The following CSMD3 variants were observed in gnomAD, a reference collection of about 807,000 sequenced individuals.
CSMD3 encodes CUB and Sushi multiple domains 3.
In CSMD3, 177 loss-of-function variants were observed where a neutral mutation model predicts 435.2. That is an observed-to-expected ratio of 0.41 (90% CI 0.36 to 0.46). The LOEUF is 0.46. Among genes scored for constraint, CSMD3 ranks in the 20% least tolerant of loss-of-function variants. CSMD3 has a pLI of 0.34. For synonymous variants in CSMD3, 1,656 were observed against 1,520.5 expected, an observed-to-expected ratio of 1.09 and a Z score of -2.07; for missense variants, 4,265 against 4,504.6, an observed-to-expected ratio of 0.95 and a Z score of 1.52.
intron 13 of CSMD3, among the ~76,000 whole-genome samples, chr8:112,793,827 T>A (rs2078754907): frequency 6.6e-6 from 1 of 152,200 alleles, no homozygotes; most frequent in Non-Finnish European, 1.5e-5. Context: ...CTCATTCAGG[T>A]AAGTTATGGT....
chr8:113,339,221 T>C (rs1216124782), intron 1 of CSMD3, among the ~76,000 whole-genome samples: 1 of 151,980 alleles, frequency 6.6e-6, no homozygotes, highest in East Asian at 1.9e-4. Flanking sequence ...CTCCGCCTCA[T>C]AGTTATACTA....
In CSMD3 at chr8:113,173,892, T is replaced by A. The variant is rs2131891939; in HGVS notation, c.539A>T (p.Asn180Ile). ...YEELQSSSCG[N>I]PGVPPKGVLY... ...TACACCTTTGGGTGGAACACCAGGA[T>A]TTCCACAAGAGCTACTCTGCAATTC... The change falls in exon 4 of 71, where the codon AAT becomes ATT. Residue 180 changes from asparagine to isoleucine, a missense_variant. Physicochemically the swap from Asn to Ile is moderately radical, Grantham distance 149 (BLOSUM62 -3). Coordinates refer to ENST00000297405, the MANE Select transcript of CSMD3 (RefSeq NM_198123.2). 6.2e-7 allele frequency: 1 copy of A among 1,613,576 alleles called. No individual in the cohort carries two copies. Among genetic ancestry groups the A allele is most frequent in the South Asian group, 1.1e-5 (1 of 91,078 alleles).
rs904062165 is a variant in CSMD3 at position 112,898,246 on chromosome 8, T to G, written c.1633+23381A>C. ...AGATAGTGATATTGGTGGACTGATTTCAAAGAATGTCCTTCTTATGCCTGA... is the reference window on the plus strand; with the variant it reads ...AGATAGTGATATTGGTGGACTGATTGCAAAGAATGTCCTTCTTATGCCTGA... On this transcript the variant is annotated intron_variant, in intron 10 of 70. Coordinates refer to ENST00000297405, the MANE Select transcript of CSMD3 (RefSeq NM_198123.2). Among the ~76,000 whole-genome samples, 4 of 151,146 alleles carry G rather than the reference T, an allele frequency of 2.6e-5. No individual in the cohort carries two copies. The Admixed American group carries it at 2.6e-4, about 10-fold the overall frequency.
intron 10 of CSMD3, among the ~76,000 whole-genome samples, chr8:112,907,983 G>A (rs2082308258): frequency 6.6e-6 from 1 of 151,202 alleles, no homozygotes; most frequent in Admixed American, 6.6e-5. Flanking sequence ...TTTTTTGGTA[G>A]CTATGTTACA....
At chr8:113,080,272 C>T (rs1226463812) in intron 5 of CSMD3, among the ~76,000 whole-genome samples, 5 of 152,134 alleles carry the variant, frequency 3.3e-5, no homozygotes, top group Non-Finnish European at 4.4e-5. Context: ...TTACATCTCT[C>T]TTTCTTAATT....
chr8:113,431,494 G>A (rs2094672860), intron 1 of CSMD3, among the ~76,000 whole-genome samples: 1 of 152,172 alleles, frequency 6.6e-6, no homozygotes, highest in African/African-American at 2.4e-5. Context: ...GTTGCCTAAA[G>A]GTACTGGTGC....
intron 62 of CSMD3, 21 bp from the exon 63 acceptor site, chr8:112,254,347 A>G (rs895043045): frequency 1.3e-6 from 2 of 1,543,444 alleles, no homozygotes; most frequent in African/African-American, 2.7e-5. Context: ...GATTAAAAAG[A>G]TATTAGTCCT....
At chr8:112,884,318 T>C (rs915219158) in intron 10 of CSMD3, among the ~76,000 whole-genome samples, 2 of 151,736 alleles carry the variant, frequency 1.3e-5, no homozygotes, top group African/African-American at 4.8e-5. Flanking sequence ...TGATAAAAAA[T>C]AGTGAACTTC....
At position 112,406,553 on chromosome 8, in the gene CSMD3, T is replaced by C. The variant is rs1831877373; in HGVS notation, c.5780A>G (p.Gln1927Arg). 1 of 1,611,146 alleles carries C rather than the reference T, an allele frequency of 6.2e-7. No homozygotes were observed. The highest frequency in any genetic ancestry group is 8.5e-7 in the Non-Finnish European group (1 of 1,177,798). Residue 1927 changes from glutamine (Q) to arginine (R), a missense_variant, in exon 35 of 71, where the codon CAG (glutamine) becomes CGG (arginine). By Grantham distance (43) the Gln-to-Arg change is conservative. Transcript: ENST00000297405. ...ACAAGTAGGTAAGGAATCATTCCAC[T>C]GGGCCAAAGAATTGGGCACTGTTTC... ...RCETVPNSLA[Q>R]WNDSLPTCIV...
At chr8:113,007,288 T>G (rs2086093464) in intron 6 of CSMD3, among the ~76,000 whole-genome samples, 1 of 151,986 alleles carries the variant, frequency 6.6e-6, no homozygotes, top group African/African-American at 2.4e-5. Context: ...ATGTTGAATA[T>G]CTGACTCTCA....
intron 5 of CSMD3, among the ~76,000 whole-genome samples, chr8:113,052,105 C>A (rs905413955): frequency 6.6e-6 from 1 of 152,158 alleles, no homozygotes; most frequent in East Asian, 1.9e-4. Context: ...CATGTAGTTA[C>A]ATATTTAATA....
intron 10 of CSMD3, among the ~76,000 whole-genome samples, chr8:112,860,419 T>G (rs1374362421): frequency 6.6e-6 from 1 of 151,786 alleles, no homozygotes; most frequent in African/African-American, 2.4e-5. Flanking sequence ...GAAAAAATAA[T>G]AAATTGTATT....
intron 7 of CSMD3, among the ~76,000 whole-genome samples, chr8:112,960,116 A>T (rs1363107909): frequency 6.6e-6 from 1 of 151,726 alleles, no homozygotes; most frequent in Admixed American, 6.6e-5. Context: ...TATAAAGATG[A>T]CTTTTTTTTG....
intron 40 of CSMD3, among the ~76,000 whole-genome samples, chr8:112,347,039 G>A (rs1825746104): frequency 1.3e-5 from 2 of 151,784 alleles, no homozygotes; most frequent in African/African-American, 4.8e-5. Context: ...CATTAGATAT[G>A]GCCTTATTTT....
chr8:112,405,199 A>AAC (rs1563903927), intron 35 of CSMD3, among the ~76,000 whole-genome samples: 2 of 41,604 alleles, frequency 4.8e-5, no homozygotes, highest in East Asian at 1.4e-3. Flanking sequence ...AAAAAAAAAA[A>AAC]AAAAAAAAAA....
At chr8:112,528,137 A>T (rs1395399671) in intron 27 of CSMD3, among the ~76,000 whole-genome samples, 3 of 152,124 alleles carry the variant, frequency 2.0e-5, no homozygotes, top group Non-Finnish European at 4.4e-5. Context: ...ACCACTTTTT[A>T]AAAAAATTTT....
intron 35 of CSMD3, among the ~76,000 whole-genome samples, chr8:112,402,245 A>G (rs1351061360): frequency 6.6e-6 from 1 of 152,194 alleles, no homozygotes. Context: ...AGTCATGCGG[A>G]CAAAGCGAAG....
In CSMD3 at chr8:112,341,281, A is replaced by G. The variant is rs571591071; in HGVS notation, c.6652+196T>C. ...TGGTTAGGATTTTCTAAGGTCTCAG[A>G]GAGACATCATTCTCCCTGTGTAGTT... On this transcript the variant is annotated intron_variant, in intron 42 of 70. Coordinates refer to ENST00000297405, the MANE Select transcript of CSMD3 (RefSeq NM_198123.2). 1.1e-4 allele frequency among the ~76,000 whole-genome samples: 17 copies of G among 152,086 alleles called. No individual in the cohort carries two copies. In the East Asian group the frequency reaches 2.5e-3, roughly 23 times the overall value.
intron 30 of CSMD3, among the ~76,000 whole-genome samples, chr8:112,494,516 TTTC>T (rs1213078088): frequency 2.5e-5 from 3 of 121,926 alleles, no homozygotes. Flanking sequence ...TCTTTCTTTC[TTTC>T]TTTCTTTCTT....
Sources: allele counts gnomAD v4.1 joint callset (sites outside exome capture counted in the v4.1 genomes callset), GRCh38; gene constraint gnomAD v4.1.1; transcripts MANE v1.5; gene names NCBI Gene and HGNC (gene_info 2026-07-23, HGNC 2026-07-21).